The following CTNNA2 variants were observed in gnomAD, a reference collection of about 807,000 sequenced individuals.
The protein encoded by CTNNA2 is catenin alpha-2.
In CTNNA2, 42 loss-of-function variants were observed where a neutral mutation model predicts 101.0. The observed-to-expected ratio is 0.42, with a 90% CI of 0.32 to 0.54. The LOEUF is 0.54. CTNNA2 is among the 20% of genes least tolerant of loss of function. The pLI, the probability that CTNNA2 is intolerant of heterozygous loss-of-function variation, is 0.14. For synonymous variants in CTNNA2, 450 were observed against 456.4 expected (o/e 0.99, Z 0.18); for missense variants, 871 against 1,223.1 (o/e 0.71, Z 4.29).
intron 4 of CTNNA2, among the ~76,000 whole-genome samples, chr2:79,454,357 A>G (rs1230668267): frequency 6.6e-6 from 1 of 152,126 alleles, no homozygotes; most frequent in Non-Finnish European, 1.5e-5. Flanking sequence ...TGCAATCTAC[A>G]TCTAACACAC....
chr2:80,153,114 C>T (rs1241726601), intron 7 of CTNNA2, among the ~76,000 whole-genome samples: 1 of 152,206 alleles, frequency 6.6e-6, no homozygotes, highest in Non-Finnish European at 1.5e-5. Flanking sequence ...ATCCAGGTCA[C>T]TGGTGCCACG....
intron 7 of CTNNA2, among the ~76,000 whole-genome samples, chr2:80,166,846 G>A (rs781290450): frequency 3.4e-4 from 51 of 152,090 alleles, no homozygotes; most frequent in Non-Finnish European, 6.3e-4. Context: ...AAATTGTTTG[G>A]TATGGAAAAC....
chr2:80,567,302 A>C (rs564604312), intron 12 of CTNNA2, among the ~76,000 whole-genome samples: 1 of 152,226 alleles, frequency 6.6e-6, no homozygotes, highest in Non-Finnish European at 1.5e-5. Context: ...TCTGTTCTTA[A>C]GTGGAACTAA....
At chr2:79,631,970 G>A (rs1325813300) in intron 1 of CTNNA2, among the ~76,000 whole-genome samples, 3 of 151,966 alleles carry the variant, frequency 2.0e-5, no homozygotes, top group Admixed American at 6.6e-5. Flanking sequence ...TTCTATAAAG[G>A]CAATTCACAT....
intron 2 of CTNNA2, among the ~76,000 whole-genome samples, chr2:79,654,512 A>G (rs989379636): frequency 6.6e-6 from 1 of 152,140 alleles, no homozygotes; most frequent in Non-Finnish European, 1.5e-5. Flanking sequence ...TTAAACTGTT[A>G]TATTTCCTTC....
At chr2:79,433,884 A>G (rs1349335471) in intron 4 of CTNNA2, among the ~76,000 whole-genome samples, 1 of 152,222 alleles carries the variant, frequency 6.6e-6, no homozygotes, top group Non-Finnish European at 1.5e-5. Flanking sequence ...ATAGTAGGTG[A>G]TCATGAAATA....
At chr2:80,156,676 G>C (rs145640193) in intron 7 of CTNNA2, among the ~76,000 whole-genome samples, 83 of 152,326 alleles carry the variant, frequency 5.4e-4, no homozygotes, top group Admixed American at 1.8e-3. Flanking sequence ...CTCCTCATTA[G>C]CCATGACTGC....
chr2:79,378,063 T>G (rs78966938), intron 4 of CTNNA2, among the ~76,000 whole-genome samples: 16 of 152,290 alleles, frequency 1.1e-4, no homozygotes, highest in African/African-American at 3.8e-4. Context: ...ATGGTATATG[T>G]AGGACACAGT....
At chr2:80,545,148 C>T (rs968947053) in intron 10 of CTNNA2, 74 bp downstream of exon 10, 2 of 1,388,826 alleles carry the variant, frequency 1.4e-6, no homozygotes, top group African/African-American at 2.9e-5. Flanking sequence ...CCCTCCTTTT[C>T]CTTCTCTATT....
intron 8 of CTNNA2, among the ~76,000 whole-genome samples, chr2:80,418,162 C>A (rs1296034671): frequency 6.6e-6 from 1 of 152,148 alleles, no homozygotes; most frequent in Non-Finnish European, 1.5e-5. Flanking sequence ...TGTAGGATCT[C>A]CTTCAGACCT....
intron 2 of CTNNA2, among the ~76,000 whole-genome samples, chr2:79,294,431 G>T (rs899714457): frequency 6.6e-6 from 1 of 151,990 alleles, no homozygotes; most frequent in Non-Finnish European, 1.5e-5. Flanking sequence ...GCCATATTGG[G>T]GTTTAGGGAT....
At chr2:79,210,853 G>A (rs1167495322) in intron 2 of CTNNA2, among the ~76,000 whole-genome samples, 1 of 152,136 alleles carries the variant, frequency 6.6e-6, no homozygotes, top group Non-Finnish European at 1.5e-5. Flanking sequence ...AAGAGATGAT[G>A]TAACTTGCCC....
chr2:80,465,442 A>G (rs1236165624), intron 9 of CTNNA2, among the ~76,000 whole-genome samples: 2 of 152,194 alleles, frequency 1.3e-5, no homozygotes, highest in African/African-American at 4.8e-5. Flanking sequence ...CTGGGTGACA[A>G]CAACGTAAAT....
chr2:80,166,578 C>G (rs1474064495), intron 7 of CTNNA2, among the ~76,000 whole-genome samples: 1 of 152,110 alleles, frequency 6.6e-6, no homozygotes, highest in Non-Finnish European at 1.5e-5. Flanking sequence ...TGAGTTGTAT[C>G]CTTAGGTCAA....
chr2:80,270,548 TC>T (rs1234009222), intron 7 of CTNNA2, among the ~76,000 whole-genome samples: 1 of 152,182 alleles, frequency 6.6e-6, no homozygotes, highest in African/African-American at 2.4e-5. Flanking sequence ...TAGACACAAT[TC>T]AGTGAAAGTT....
At chr2:80,645,943 G>C (rs1325305863) in intron 18 of CTNNA2, among the ~76,000 whole-genome samples, 1 of 152,086 alleles carries the variant, frequency 6.6e-6, no homozygotes, top group Non-Finnish European at 1.5e-5. Flanking sequence ...CTTTTCTGGT[G>C]ATGGAAAAAT....
At chr2:79,503,839 G>A (rs1671355197) in intron 4 of CTNNA2, among the ~76,000 whole-genome samples, 1 of 152,072 alleles carries the variant, frequency 6.6e-6, no homozygotes, top group Non-Finnish European at 1.5e-5. Flanking sequence ...GCCATTTTGG[G>A]TCCTTATTCT....
chr2:79,332,605 A>G (rs957045825), intron 3 of CTNNA2, among the ~76,000 whole-genome samples: 2 of 152,218 alleles, frequency 1.3e-5, no homozygotes, highest in Non-Finnish European at 2.9e-5. Context: ...CAAGCATGTC[A>G]TGTAGAAACA....
intron 9 of CTNNA2, among the ~76,000 whole-genome samples, chr2:80,464,368 A>G (rs1684688739): frequency 6.6e-6 from 1 of 152,174 alleles, no homozygotes; most frequent in Non-Finnish European, 1.5e-5. Flanking sequence ...GATTCATGCA[A>G]TGAAATGGAC....
Sources: gnomAD v4.1 joint callset for allele counts (sites outside exome capture counted in the v4.1 genomes callset) on GRCh38, gnomAD v4.1.1 for gene constraint, MANE v1.5 for transcripts, NCBI Gene and HGNC (gene_info 2026-07-23, HGNC 2026-07-21) for gene names.